The following VAT1L variants were observed in gnomAD, a reference collection of about 807,000 sequenced individuals.
VAT1L encodes vesicle amine transport 1 like.
A neutral mutation model predicts 44.1 loss-of-function variants in VAT1L; 34 were observed. The observed-to-expected ratio is 0.77, with a 90% confidence interval of 0.59 to 1.03. VAT1L has a LOEUF of 1.03. Among genes scored for constraint, VAT1L ranks in the 50% least tolerant of loss-of-function variants. The pLI is 0.00. For synonymous variants in VAT1L, 253 were observed against 202.2 expected, an observed-to-expected ratio of 1.25 and a Z score of -2.13; for missense variants, 615 against 538.8, an observed-to-expected ratio of 1.14 and a Z score of -1.40.
intron 3 of VAT1L, among the ~76,000 whole-genome samples, chr16:77,846,577 T>A (rs2016759989): frequency 6.6e-6 from 1 of 152,164 alleles, no homozygotes; most frequent in Admixed American, 6.5e-5. Context: ...AGACACAAAG[T>A]ATACAGTCAT....
At chr16:77,811,336 C>A (rs188361641) in intron 1 of VAT1L, among the ~76,000 whole-genome samples, 1 of 152,282 alleles carries the variant, frequency 6.6e-6, no homozygotes, top group East Asian at 1.9e-4. Context: ...TAAACTATAG[C>A]TGGGCTGATT....
chr16:77,888,588 C>A (rs1470762306), intron 7 of VAT1L, among the ~76,000 whole-genome samples: 1 of 152,304 alleles, frequency 6.6e-6, no homozygotes, highest in East Asian at 1.9e-4. Flanking sequence ...GGTTTCTCAG[C>A]CTGGGCATGA....
At chr16:77,965,158 G>C (rs930322648) in intron 7 of VAT1L, among the ~76,000 whole-genome samples, 1 of 152,172 alleles carries the variant, frequency 6.6e-6, no homozygotes, top group Non-Finnish European at 1.5e-5. Flanking sequence ...CCCCAGGACA[G>C]AGAGAGAACA....
chr16:77,842,387 T>C (rs1049819078), intron 3 of VAT1L, among the ~76,000 whole-genome samples: 1 of 152,182 alleles, frequency 6.6e-6, no homozygotes, highest in Non-Finnish European at 1.5e-5. Flanking sequence ...TTGAGAGGGC[T>C]CCCAGTTCCC....
At chr16:77,826,900 C>T (rs1054503986) in intron 3 of VAT1L, among the ~76,000 whole-genome samples, 9 of 152,136 alleles carry the variant, frequency 5.9e-5, no homozygotes, top group South Asian at 2.1e-4. Context: ...TGGTGTATCT[C>T]AGAGATATTT....
rs192270617 is a variant in VAT1L, at chr16:77,870,760, T to G, written c.723-5610T>G. Among the ~76,000 whole-genome samples the G allele has an allele frequency of 1.9e-4, 29 of 152,382 alleles. No homozygotes were observed. In the East Asian group the frequency reaches 4.0e-3, roughly 21 times the overall value. On this transcript the variant is annotated intron_variant, in intron 4 of 8. Coordinates refer to ENST00000302536, the MANE Select transcript of VAT1L (RefSeq NM_020927.3). The stretch of plus-strand genomic sequence containing the variant: ...TTCTGCCACACCTTCTTCGCTTTCA[T>G]GTAATAATCATACATATGCAGGCAG...
intron 7 of VAT1L, among the ~76,000 whole-genome samples, chr16:77,928,972 C>T (rs1433414956): frequency 6.6e-6 from 1 of 152,044 alleles, no homozygotes; most frequent in Non-Finnish European, 1.5e-5. Context: ...CACCACCATG[C>T]CCCGGTAAAA....
intron 3 of VAT1L, among the ~76,000 whole-genome samples, chr16:77,828,979 C>A (rs1008990736): frequency 6.6e-6 from 1 of 152,122 alleles, no homozygotes; most frequent in Non-Finnish European, 1.5e-5. Context: ...TATGGGAAAC[C>A]GATACTACCA....
rs2018358596 is a variant in VAT1L at position 77,977,896 on chromosome 16, C to G, written c.*201C>G. ...TGCCATGCAGTATTATGTCCCTCTC[C>G]TATCTGTGTATTACACATTCCCCTC... On this transcript the variant is annotated 3_prime_UTR_variant, in exon 9 of 9. Transcript: ENST00000302536. 1 of 559,606 alleles carries G rather than the reference C, an allele frequency of 1.8e-6. No individual in the cohort carries two copies. The highest frequency in any genetic ancestry group is 2.0e-5 in the South Asian group (1 of 50,342). 34.7% of individuals were successfully genotyped at this position (559,606 alleles called of 1,614,324 possible). A position where few individuals can be genotyped will look rare whatever the true frequency, so the allele number is the denominator to read the frequency against.
intron 7 of VAT1L, among the ~76,000 whole-genome samples, chr16:77,966,163 G>A (rs537518836): frequency 1.1e-4 from 16 of 152,184 alleles, no homozygotes; most frequent in Admixed American, 8.5e-4. Flanking sequence ...ATTTCTTGAC[G>A]TGGTTAATTT....
At chr16:77,940,273 G>C (rs1007457857) in intron 7 of VAT1L, among the ~76,000 whole-genome samples, 3 of 150,202 alleles carry the variant, frequency 2.0e-5, no homozygotes, top group African/African-American at 7.4e-5. Context: ...CTGACTTACT[G>C]TATTCCTGAA....
At chr16:77,831,773 C>T (rs550135422) in intron 3 of VAT1L, among the ~76,000 whole-genome samples, 9 of 152,002 alleles carry the variant, frequency 5.9e-5, no homozygotes, top group Admixed American at 3.3e-4. Context: ...TTTAATTAAC[C>T]GTTTGGTACC....
chr16:77,870,131 G>T (rs892282513), intron 4 of VAT1L, among the ~76,000 whole-genome samples: 2 of 152,316 alleles, frequency 1.3e-5, no homozygotes, highest in African/African-American at 4.8e-5. Flanking sequence ...CACTGGGCTT[G>T]GCCCCCTGTG....
intron 7 of VAT1L, among the ~76,000 whole-genome samples, chr16:77,969,414 C>G (rs1245183221): frequency 2.6e-5 from 4 of 152,008 alleles, no homozygotes; most frequent in Non-Finnish European, 5.9e-5. Context: ...CTTCCAAGGT[C>G]TCTGTGGTCG....
chr16:77,908,537 T>C (rs1042413243), intron 7 of VAT1L, among the ~76,000 whole-genome samples: 2 of 143,448 alleles, frequency 1.4e-5, no homozygotes, highest in African/African-American at 5.2e-5. Flanking sequence ...CCTGTTGGAG[T>C]TCAGAAAAAG....
intron 3 of VAT1L, among the ~76,000 whole-genome samples, chr16:77,839,041 G>T (rs1188867650): frequency 1.3e-5 from 2 of 152,078 alleles, no homozygotes; most frequent in Non-Finnish European, 2.9e-5. Context: ...ACAAAGAGGC[G>T]CATTAGTCAT....
chr16:77,900,779 G>T (rs900146548), intron 7 of VAT1L, among the ~76,000 whole-genome samples: 1 of 151,488 alleles, frequency 6.6e-6, no homozygotes, highest in African/African-American at 2.4e-5. Flanking sequence ...GTTATTGTCA[G>T]ACTGTACCCC....
chr16:77,819,193 G>A (rs540987943), intron 2 of VAT1L, among the ~76,000 whole-genome samples: 2 of 152,186 alleles, frequency 1.3e-5, no homozygotes, highest in African/African-American at 4.8e-5. Flanking sequence ...ATGGCCATGA[G>A]CACCACTGCC....
chr16:77,887,785 T>C (rs1009583799), intron 7 of VAT1L, among the ~76,000 whole-genome samples: 1 of 152,188 alleles, frequency 6.6e-6, no homozygotes, highest in Non-Finnish European at 1.5e-5. Context: ...TCTTTATTCT[T>C]AGCACTGTCG....
Sources: gnomAD v4.1 joint callset for allele counts (sites outside exome capture counted in the v4.1 genomes callset) on GRCh38, gnomAD v4.1.1 for gene constraint, MANE v1.5 for transcripts, NCBI Gene and HGNC (gene_info 2026-07-23, HGNC 2026-07-21) for gene names.